Variants in GCSAML observed in about 807,000 individuals in gnomAD.
The protein encoded by GCSAML is germinal center associated signaling and motility like, also known as germinal center-associated signaling and motility-like protein.
Under a neutral mutation model 13.0 loss-of-function variants are expected in GCSAML, and 9 were observed. The observed-to-expected ratio is 0.69, with a 90% CI of 0.42 to 1.21. The LOEUF (loss-of-function observed/expected upper bound fraction) is 1.21. Among genes scored for constraint, GCSAML ranks in the 50% most tolerant of loss-of-function variants. The pLI is 0.00. For missense variants in GCSAML, 143 were observed against 153.4 expected (o/e 0.93, Z 0.36); for synonymous variants, 37 against 52.9 (o/e 0.70, Z 1.31).
intron 2 of GCSAML, among the ~76,000 whole-genome samples, chr1:247,541,246 T>C (rs1667401964): frequency 6.6e-6 from 1 of 152,200 alleles, no homozygotes; most frequent in Non-Finnish European, 1.5e-5. Flanking sequence ...GTTAGAGCAA[T>C]GCATTGCTTA....
At chr1:247,566,625 CATTA>C in intron 4 of GCSAML, among the ~76,000 whole-genome samples, 1 of 152,190 alleles carries the variant, frequency 6.6e-6, no homozygotes, top group East Asian at 1.9e-4. Flanking sequence ...CACCATAAAA[CATTA>C]ATTATTTTTA....
chr1:247,513,563 G>T (rs10754566), intron 1 of GCSAML, among the ~76,000 whole-genome samples: 1 of 152,190 alleles, frequency 6.6e-6, no homozygotes, highest in African/African-American at 2.4e-5. Context: ...TATGGAAAAA[G>T]ACTCCTGCAG....
At chr1:247,538,656 T>C in intron 2 of GCSAML, 1 of 438,596 alleles carries the variant, frequency 2.3e-6, no homozygotes, top group South Asian at 1.6e-5. Context: ...CCCAGTCTCT[T>C]TCTTTCCACA....
intron 1 of GCSAML, among the ~76,000 whole-genome samples, chr1:247,522,403 G>A (rs986707057): frequency 7.2e-5 from 11 of 152,192 alleles, no homozygotes; most frequent in East Asian, 5.8e-4. Flanking sequence ...CCGCCACCCC[G>A]TCTGGGAGGT....
chr1:247,565,920 T>TA lies in GCSAML; in HGVS notation c.140-9dup. ...CCTTTCTTTCTTTTTTTTTTTTTTT[T>TA]AATTCTCCAGGCCAAGAAGTTTCAT... On this transcript the variant is annotated splice_polypyrimidine_tract_variant and intron_variant, in intron 3 of 4. Coordinates refer to ENST00000366488, the MANE Select transcript of GCSAML (RefSeq NM_145278.5). The TA allele has an allele frequency of 6.5e-7, 1 of 1,538,492 alleles. No homozygotes were observed. Among genetic ancestry groups the TA allele is most frequent in the Non-Finnish European group, 8.8e-7 (1 of 1,142,518 alleles).
intron 2 of GCSAML, chr1:247,531,199 G>A: frequency 3.9e-6 from 1 of 259,552 alleles, no homozygotes. Flanking sequence ...CTCCCCGCGC[G>A]CTCTCAGCGT....
upstream of GCSAML, among the ~76,000 whole-genome samples, chr1:247,546,848 G>T (rs2103030357): frequency 6.6e-6 from 1 of 151,774 alleles, no homozygotes; most frequent in South Asian, 2.1e-4. Context: ...CCAGCACTTT[G>T]GGAGGCCAAG....
chr1:247,520,526 TCA>T (rs10597982), intron 1 of GCSAML, among the ~76,000 whole-genome samples: 27,252 of 150,278 alleles, frequency 0.18, 2,638 homozygotes, highest in African/African-American at 0.23. Context: ...CCCCACCTCT[TCA>T]CACACACACA....
chr1:247,522,172 G>A (rs6689509), intron 1 of GCSAML, among the ~76,000 whole-genome samples: 3,650 of 151,102 alleles, frequency 0.024, 148 homozygotes, highest in African/African-American at 0.083. Flanking sequence ...AGTGAGGAGC[G>A]TCTCCGCCCG....
chr1:247,524,867 C>T (rs943158004), intron 1 of GCSAML: 3 of 151,998 alleles, frequency 2.0e-5, no homozygotes, highest in Non-Finnish European at 4.4e-5. Flanking sequence ...AAAGGTAAAA[C>T]AATGAAAATT....
chr1:247,518,824 AC>A (rs1023949291), intron 1 of GCSAML, among the ~76,000 whole-genome samples: 51 of 152,298 alleles, frequency 3.3e-4, no homozygotes, highest in African/African-American at 1.2e-3. Flanking sequence ...ACCCATCGCT[AC>A]CAGAAATGTA....
At chr1:247,546,489 G>C (rs903151069), upstream of GCSAML, among the ~76,000 whole-genome samples, 1 of 152,004 alleles carries the variant, frequency 6.6e-6, no homozygotes. Flanking sequence ...CTCCCGAGTA[G>C]CTGGGACTAC....
chr1:247,546,230 G>T (rs770019881), upstream of GCSAML, among the ~76,000 whole-genome samples: 1 of 152,006 alleles, frequency 6.6e-6, no homozygotes, highest in Non-Finnish European at 1.5e-5. Flanking sequence ...AGCTATTCAC[G>T]GGCATGATCA....
intron 1 of GCSAML, among the ~76,000 whole-genome samples, chr1:247,517,420 A>G (rs1666249877): frequency 6.6e-6 from 1 of 152,248 alleles, no homozygotes; most frequent in African/African-American, 2.4e-5. Flanking sequence ...GAACAAAAAA[A>G]TGTAAAATGT....
chr1:247,550,602 A>G (rs555366980), intron 1 of GCSAML, among the ~76,000 whole-genome samples: 44 of 152,056 alleles, frequency 2.9e-4, no homozygotes, highest in South Asian at 8.3e-4. Context: ...CCGCCACTGC[A>G]CTCCAGCCTG....
chr1:247,508,986 CTCTT>C (rs1381631090), intron 1 of GCSAML, among the ~76,000 whole-genome samples: 1 of 152,126 alleles, frequency 6.6e-6, no homozygotes. Flanking sequence ...GCGATTTGGG[CTCTT>C]TTTTTGGTTC....
intron 1 of GCSAML, among the ~76,000 whole-genome samples, chr1:247,555,378 C>T (rs1667914099): frequency 6.6e-6 from 1 of 152,224 alleles, no homozygotes; most frequent in South Asian, 2.1e-4. Context: ...ATAAACATTA[C>T]ATCCAGATTT....
chr1:247,522,784 G>A (rs1049127977), intron 1 of GCSAML, among the ~76,000 whole-genome samples: 5 of 152,150 alleles, frequency 3.3e-5, no homozygotes, highest in Middle Eastern at 6.8e-3. Flanking sequence ...GCGGAAGGCC[G>A]CAGGGCCCTC....
In GCSAML at chr1:247,558,963, T is replaced by C. The variant is rs543980684; in HGVS notation, c.89+2497T>C. Among the ~76,000 whole-genome samples the C allele has an allele frequency of 2.0e-5, 3 of 152,330 alleles. No homozygotes were observed. The East Asian group carries it at 5.8e-4, about 29-fold the overall frequency. ...ATAGATTTTATTAAAGTCTTCTTTGTCCTATATGTTAACTTTGAGACAAGT... is the reference window on the plus strand; with the variant it reads ...ATAGATTTTATTAAAGTCTTCTTTGCCCTATATGTTAACTTTGAGACAAGT... On this transcript the variant is annotated intron_variant, in intron 2 of 4. Transcript: ENST00000366488.
Sources: allele counts gnomAD v4.1 joint callset (sites outside exome capture counted in the v4.1 genomes callset), GRCh38; gene constraint gnomAD v4.1.1; transcripts MANE v1.5; gene names NCBI Gene and HGNC (gene_info 2026-07-23, HGNC 2026-07-21).